Variants in AATF observed in about 807,000 individuals in gnomAD.
The protein encoded by AATF is protein AATF.
AATF carries 48 observed loss-of-function variants against 63.7 expected under a neutral mutation model. The observed-to-expected ratio is 0.75, with a 90% confidence interval of 0.60 to 0.96. The LOEUF is 0.96. Among genes scored for constraint, AATF ranks in the 40% least tolerant of loss-of-function variants. The pLI is 0.00. For missense variants in AATF, 639 were observed against 685.7 expected (o/e 0.93, Z 0.76); for synonymous variants, 258 against 247.7 (o/e 1.04, Z -0.39).
chr17:36,984,903 T>C (rs952242742), intron 4 of AATF, among the ~76,000 whole-genome samples: 16 of 145,756 alleles, frequency 1.1e-4, no homozygotes, highest in African/African-American at 3.9e-4. Flanking sequence ...CTCCCACAGT[T>C]TTTTTTTTTT....
chr17:36,959,549 G>A (rs1233431669), intron 4 of AATF, among the ~76,000 whole-genome samples: 1 of 152,148 alleles, frequency 6.6e-6, no homozygotes, highest in Middle Eastern at 3.2e-3. Flanking sequence ...AAGGCAAAAG[G>A]TCCTAGAGAG....
rs757111397 is a variant in AATF at position 36,988,543 on chromosome 17, T to C, written c.972T>C (p.Asp324=). Reference sequence around the variant, plus strand: ...GTGAGGAGATTTCTAGTGAAGATGATGAGCTGGTAGAAGAGAAGAAGCAGC... The same window carrying C: ...GTGAGGAGATTTCTAGTGAAGATGACGAGCTGGTAGAAGAGAAGAAGCAGC... ...AGSEEISSED[D]ELVEEKKQQR... The change falls in exon 6 of 12, where the codon GAT becomes GAC. Residue 324 remains aspartate (D), a synonymous_variant. Transcript: ENST00000619387. The C allele has an allele frequency of 1.2e-5, 20 of 1,613,976 alleles. No homozygotes were observed. The highest frequency in any genetic ancestry group is 1.7e-5 in the Non-Finnish European group (20 of 1,180,004).
intron 4 of AATF, among the ~76,000 whole-genome samples, chr17:36,955,781 G>A (rs57032547): frequency 0.092 from 14,059 of 152,142 alleles, 1,383 homozygotes; most frequent in African/African-American, 0.24. Context: ...TTTTTGTTAT[G>A]AGACAGGGTC....
chr17:37,001,440 G>GAAGGAAGA (rs2071296158), intron 8 of AATF, among the ~76,000 whole-genome samples: 1 of 122,564 alleles, frequency 8.2e-6, no homozygotes, highest in African/African-American at 3.5e-5. Flanking sequence ...AGGAAGGAAG[G>GAAGGAAGA]AAGGAAGGAA....
intron 11 of AATF, among the ~76,000 whole-genome samples, chr17:37,043,853 A>T (rs952052958): frequency 1.3e-5 from 2 of 152,140 alleles, no homozygotes; most frequent in Non-Finnish European, 2.9e-5. Context: ...TGTTCACTGG[A>T]TTCTTGAGAA....
chr17:36,993,869 T>G (rs1013166228), intron 8 of AATF, among the ~76,000 whole-genome samples: 2 of 152,196 alleles, frequency 1.3e-5, no homozygotes, highest in African/African-American at 4.8e-5. Flanking sequence ...CTACTGAGAA[T>G]GATGTGTGGG....
intron 10 of AATF, chr17:37,031,277 A>G (rs1446752178): frequency 6.9e-6 from 2 of 288,674 alleles, no homozygotes; most frequent in African/African-American, 4.2e-5. Context: ...TTTACATTGC[A>G]TTAAGTATTT....
intron 8 of AATF, among the ~76,000 whole-genome samples, chr17:37,012,297 C>T (rs766970420): frequency 3.2e-4 from 49 of 152,138 alleles, no homozygotes; most frequent in Non-Finnish European, 5.1e-4. Flanking sequence ...TCAAGTGATC[C>T]GCCTGCCTTG....
intron 8 of AATF, among the ~76,000 whole-genome samples, chr17:37,013,318 T>A (rs2071405711): frequency 6.6e-6 from 1 of 152,252 alleles, no homozygotes. Flanking sequence ...ACATTATTAT[T>A]ACTAAGTAAA....
In AATF at chr17:36,953,147, A is replaced by G; in HGVS notation, c.545A>G (p.Glu182Gly). The change falls in exon 3 of 12, where the codon GAA becomes GGA. Residue 182 changes from glutamate to glycine, a missense_variant. Coordinates refer to ENST00000619387, the MANE Select transcript of AATF (RefSeq NM_012138.4). ...GAAGACGAAGAGAGTGGCATGGAAG[A>G]AGGGGATGACGCGGAAGACTCCCAA... ...EEEDEESGME[E>G]GDDAEDSQGE... is the part of the protein sequence containing the mutation. 1.2e-6 allele frequency: 2 copies of G among 1,614,148 alleles called. No individual in the cohort carries two copies. The highest frequency in any genetic ancestry group is 1.3e-5 in the African/African-American group (1 of 75,034).
Position 37,024,296 on chromosome 17 carries a change from C to T in AATF, c.1547+3282C>T, listed in dbSNP as rs570360010. Among the ~76,000 whole-genome samples, 9 of 152,272 alleles carry T rather than the reference C, an allele frequency of 5.9e-5. No homozygotes were observed. In the East Asian group the frequency reaches 1.5e-3, roughly 26 times the overall value. On this transcript the variant is annotated intron_variant, in intron 10 of 11. Transcript: ENST00000619387. ...CACTGAGCCTTGAGAGATTAGTAGG[C>T]GTTTGCCCAGTGAAAGACAAAGAGA...
chr17:37,032,402 A>G (rs997961200), intron 11 of AATF, among the ~76,000 whole-genome samples: 3 of 152,198 alleles, frequency 2.0e-5, no homozygotes, highest in Admixed American at 2.0e-4. Context: ...AGTTGTCTTC[A>G]GTCAATCTTT....
intron 4 of AATF, among the ~76,000 whole-genome samples, chr17:36,961,574 A>G (rs1340640597): frequency 2.0e-5 from 3 of 152,160 alleles, no homozygotes; most frequent in African/African-American, 4.8e-5. Context: ...ACACATTTTG[A>G]GTGCTTAGTA....
intron 4 of AATF, 102 bp from the exon 5 acceptor site, chr17:36,986,515 T>TCCC: frequency 1.1e-6 from 1 of 884,824 alleles, no homozygotes; most frequent in Non-Finnish European, 1.9e-6. Context: ...TCCCCTTCAC[T>TCCC]CCCCACAGCC....
chr17:36,986,140 T>G (rs1340919707), intron 4 of AATF, among the ~76,000 whole-genome samples: 2 of 151,984 alleles, frequency 1.3e-5, no homozygotes, highest in African/African-American at 2.4e-5. Flanking sequence ...GTGGAAGGTG[T>G]TGGTGGTGGG....
At chr17:36,984,924 C>T (rs1211365648) in intron 4 of AATF, among the ~76,000 whole-genome samples, 1 of 140,072 alleles carries the variant, frequency 7.1e-6, no homozygotes, top group African/African-American at 2.7e-5. Flanking sequence ...TTTTTTGAGA[C>T]AGAGTCTCAC....
intron 8 of AATF, among the ~76,000 whole-genome samples, chr17:36,994,998 CA>C (rs2071243758): frequency 6.6e-6 from 1 of 152,204 alleles, no homozygotes; most frequent in Non-Finnish European, 1.5e-5. Context: ...TTTCATATCC[CA>C]GATCGCAAAC....
chr17:36,953,009 G>A lies in AATF; in HGVS notation c.407G>A (p.Ser136Asn). ...EEQECGDHRE[S>N]KKSRSHSAKT... ...CAGGAGTGTGGTGATCACAGGGAGA[G>A]CAAGAAGAGCAGAAGCCACTCTGCA... The change falls in exon 3 of 12, where the codon AGC (serine) becomes AAC (asparagine). Residue 136 changes from serine (S) to asparagine (N), a missense_variant. Ser to Asn is a conservative substitution (Grantham distance 46). Coordinates refer to ENST00000619387, the MANE Select transcript of AATF (RefSeq NM_012138.4). 1 of 1,614,162 alleles carries A rather than the reference G, an allele frequency of 6.2e-7. No homozygotes were observed. Among genetic ancestry groups the A allele is most frequent in the Non-Finnish European group, 8.5e-7 (1 of 1,180,032 alleles).
chr17:36,956,425 C>CA (rs1355791749), intron 4 of AATF, among the ~76,000 whole-genome samples: 1 of 152,158 alleles, frequency 6.6e-6, no homozygotes, highest in African/African-American at 2.4e-5. Flanking sequence ...GTAATGCCAG[C>CA]ACTTTGGGAG....
Sources: gnomAD v4.1 joint callset for allele counts (sites outside exome capture counted in the v4.1 genomes callset) on GRCh38, gnomAD v4.1.1 for gene constraint, MANE v1.5 for transcripts, NCBI Gene and HGNC (gene_info 2026-07-23, HGNC 2026-07-21) for gene names.